Variants in ZNF44 observed in about 807,000 individuals in gnomAD.
ZNF44 encodes gonadotropin inducible transcription repressor-2.
Under a neutral mutation model 11.7 loss-of-function variants are expected in ZNF44, and 9 were observed. That is an observed-to-expected ratio of 0.77 (90% CI 0.46 to 1.35). The LOEUF (loss-of-function observed/expected upper bound fraction) is 1.35. Among genes scored for constraint, ZNF44 ranks in the 40% most tolerant of loss-of-function variants. The probability of loss-of-function intolerance (pLI) is 0.00; values close to 1 mark genes in which losing one functional copy is unlikely to be tolerated. For missense variants in ZNF44, 696 were observed against 743.1 expected (o/e 0.94, Z 0.74); for synonymous variants, 224 against 242.7 (o/e 0.92, Z 0.72).
intron 5 of ZNF44, chr19:12,260,334 C>A: frequency 1.0e-6 from 1 of 957,364 alleles, no homozygotes; most frequent in Non-Finnish European, 1.6e-6. Flanking sequence ...ATCCGGCCAG[C>A]CGAAGCCTGC....
chr19:12,257,470 T>C (rs1917305813), intron 5 of ZNF44, among the ~76,000 whole-genome samples: 1 of 151,768 alleles, frequency 6.6e-6, no homozygotes, highest in Non-Finnish European at 1.5e-5. Context: ...GCCAACATGG[T>C]GAAACCCCGT....
intron 1 of ZNF44, among the ~76,000 whole-genome samples, chr19:12,293,626 C>T (rs1482080516): frequency 2.0e-5 from 3 of 152,118 alleles, no homozygotes; most frequent in African/African-American, 7.2e-5. Context: ...TATCGTCTTG[C>T]TGACAAAGGG....
intron 5 of ZNF44, among the ~76,000 whole-genome samples, chr19:12,259,528 C>T (rs1917407543): frequency 6.6e-6 from 1 of 152,180 alleles, no homozygotes; most frequent in African/African-American, 2.4e-5. Context: ...ACTTCTGTTT[C>T]ATCAGTGTTT....
chr19:12,266,510 C>A (rs750098624), intron 5 of ZNF44, among the ~76,000 whole-genome samples: 6 of 152,210 alleles, frequency 3.9e-5, no homozygotes, highest in Non-Finnish European at 8.8e-5. Context: ...GCCCCGCCCT[C>A]AGAACCCCTA....
At chr19:12,275,821 G>A in intron 2 of ZNF44, 135 bp downstream of exon 2, 1 of 1,150,158 alleles carries the variant, frequency 8.7e-7, no homozygotes. Flanking sequence ...CAACAGGTTG[G>A]GGCCTGGCAC....
At chr19:12,283,656 G>C (rs1967589322) in intron 1 of ZNF44, among the ~76,000 whole-genome samples, 1 of 152,222 alleles carries the variant, frequency 6.6e-6, no homozygotes, top group South Asian at 2.1e-4. Context: ...TATTTAACAA[G>C]AGTCTTCTTA....
downstream of ZNF44, chr19:12,226,110 G>A (rs1197333769): frequency 6.6e-6 from 1 of 152,096 alleles, no homozygotes; most frequent in African/African-American, 2.4e-5. Flanking sequence ...CATACCAGTA[G>A]GACTGATTTT....
downstream of ZNF44, among the ~76,000 whole-genome samples, chr19:12,269,415 G>A (rs1418324428): frequency 2.6e-5 from 4 of 152,182 alleles, no homozygotes; most frequent in Non-Finnish European, 4.4e-5. Context: ...CCAGCTACTC[G>A]GGAGGCTGAG....
intron 5 of ZNF44, among the ~76,000 whole-genome samples, chr19:12,264,005 AT>A (rs1466661584): frequency 6.6e-6 from 1 of 151,674 alleles, no homozygotes; most frequent in Non-Finnish European, 1.5e-5. Context: ...AGGTGGGAGG[AT>A]CACTTGAGCC....
rs1162837917 is a variant in ZNF44 at position 12,285,178 on chromosome 19, C to A, written c.4-9096G>T. ...AGGACCCAGGCTCCAGCTGTGGCTA[C>A]AACATAGGGCTTTCATACAAGAAAA... On this transcript the variant is annotated intron_variant, in intron 1 of 3. Transcript: ENST00000355684. 5.8e-6 allele frequency: 3 copies of A among 514,624 alleles called. No homozygotes were observed. In the East Asian group the frequency reaches 8.9e-5, roughly 15 times the overall value. 31.9% of individuals were successfully genotyped at this position (514,624 alleles called of 1,614,324 possible). A position where few individuals can be genotyped will look rare whatever the true frequency, so the allele number is the denominator to read the frequency against.
chr19:12,229,950 G>A lies in ZNF44; in HGVS notation n.436+510C>T, dbSNP rs561166809. Among the ~76,000 whole-genome samples the A allele has an allele frequency of 7.0e-4, 107 of 152,304 alleles. 1 individual carries two copies. In the South Asian group the frequency reaches 0.022, roughly 31 times the overall value. ...TAGGAAGAAAGATTTTATGAGAGGT[G>A]CAAACTTGACACAGGGAGCGTTGGG... On this transcript the variant is annotated intron_variant and non_coding_transcript_variant, in intron 3 of 3. Transcript: ENST00000597563.
At chr19:12,253,305 T>C (rs1917102667) in intron 5 of ZNF44, among the ~76,000 whole-genome samples, 1 of 151,512 alleles carries the variant, frequency 6.6e-6, no homozygotes, top group South Asian at 2.1e-4. Flanking sequence ...TTCTCCTGTC[T>C]CAGCCTCCTG....
chr19:12,285,936 G>A (rs182317156), intron 1 of ZNF44, among the ~76,000 whole-genome samples: 84 of 151,274 alleles, frequency 5.6e-4, no homozygotes, highest in Middle Eastern at 3.4e-3. Context: ...GGAGAATGGC[G>A]TGAACCCGGG....
At chr19:12,238,329 A>C (rs763097506), upstream of ZNF44, among the ~76,000 whole-genome samples, 4 of 152,000 alleles carry the variant, frequency 2.6e-5, no homozygotes, top group Non-Finnish European at 4.4e-5. Context: ...ATTCTCTACT[A>C]AAAATACAAA....
chr19:12,273,095 T>A lies in ZNF44; in HGVS notation c.1160A>T (p.His387Leu). ...RSSFRRHMMAHTGDGPHKCTV... is the reference protein window; with the variant it reads ...RSSFRRHMMALTGDGPHKCTV... Reference sequence around the variant, plus strand: ...GCATTTATGAGGGCCATCTCCAGTGTGTGCCATCATGTGTCTTCGAAAGCT... The same window carrying A: ...GCATTTATGAGGGCCATCTCCAGTGAGTGCCATCATGTGTCTTCGAAAGCT... The change falls in exon 4 of 4, where the codon CAC (histidine) becomes CTC (leucine). Residue 387 changes from histidine to leucine, a missense_variant. His to Leu is a moderately conservative substitution (Grantham distance 99). Coordinates refer to ENST00000355684, the MANE Select transcript of ZNF44 (RefSeq NM_016264.4). 6.2e-7 allele frequency: 1 copy of A among 1,614,008 alleles called. No individual in the cohort carries two copies. The highest frequency in any genetic ancestry group is 8.5e-7 in the Non-Finnish European group (1 of 1,179,898).
At chr19:12,262,912 C>T (rs775970224) in intron 5 of ZNF44, among the ~76,000 whole-genome samples, 4 of 152,138 alleles carry the variant, frequency 2.6e-5, no homozygotes. Context: ...TTCTAATCAG[C>T]TTAGCAGCCT....
chr19:12,247,201 C>A, downstream of ZNF44: 1 of 843,856 alleles, frequency 1.2e-6, no homozygotes. Context: ...ATGCAACTAC[C>A]CTCCAGTATG....
chr19:12,262,223 T>G (rs1917534952), intron 5 of ZNF44, among the ~76,000 whole-genome samples: 1 of 152,190 alleles, frequency 6.6e-6, no homozygotes, highest in Non-Finnish European at 1.5e-5. Context: ...AAATAGGAAC[T>G]CAATTGAATT....
chr19:12,234,680 G>A (rs1916309748), exon 2 of ZNF44: 1 of 152,182 alleles, frequency 6.6e-6, no homozygotes, highest in African/African-American at 2.4e-5. Flanking sequence ...TAGAAGCCAG[G>A]TGCTGATGGC....
Sources: allele counts gnomAD v4.1 joint callset (sites outside exome capture counted in the v4.1 genomes callset), GRCh38; gene constraint gnomAD v4.1.1; transcripts MANE v1.5; gene names NCBI Gene and HGNC (gene_info 2026-07-23, HGNC 2026-07-21).